HMCN1: variants seen among roughly 807,000 people sequenced by gnomAD.
HMCN1 encodes hemicentin-1.
HMCN1 carries 321 observed loss-of-function variants against 625.9 expected under a neutral mutation model. The ratio of observed to expected loss-of-function variants is 0.51; its 90% CI spans 0.47 to 0.56. The LOEUF is 0.56. Ranked by LOEUF, HMCN1 falls within the 20% of genes least tolerant of loss-of-function variation. The pLI is 0.00. For synonymous variants in HMCN1, 2,425 were observed against 2,417.6 expected, an observed-to-expected ratio of 1.00 and a Z score of -0.09; for missense variants, 6,588 against 6,887.3, an observed-to-expected ratio of 0.96 and a Z score of 1.54.
At chr1:185,885,128 A>G (rs898317362) in intron 4 of HMCN1, among the ~76,000 whole-genome samples, 1 of 151,548 alleles carries the variant, frequency 6.6e-6, no homozygotes. Flanking sequence ...GAGAACTGTG[A>G]AAAGTTGGAG....
rs575212903 is a variant in HMCN1 at position 185,949,540 on chromosome 1, A to G, written c.1829-12978A>G. 7.0e-3 allele frequency among the ~76,000 whole-genome samples: 1,062 copies of G among 152,022 alleles called. 7 individuals are homozygous for G. The highest frequency in any genetic ancestry group is 0.02 in the Middle Eastern group (6 of 294). On this transcript the variant is annotated intron_variant, in intron 11 of 106. Transcript: ENST00000271588. Reference sequence around the variant, plus strand: ...TCCATTCTACTTTTCTTGAAGACGGAGGACCGTAAGGGATATAAAGGTTTC... The same window carrying G: ...TCCATTCTACTTTTCTTGAAGACGGGGGACCGTAAGGGATATAAAGGTTTC...
At chr1:185,811,835 C>T (rs115642274) in intron 1 of HMCN1, among the ~76,000 whole-genome samples, 5 of 152,094 alleles carry the variant, frequency 3.3e-5, no homozygotes, top group African/African-American at 9.6e-5. Context: ...AACCTATGGA[C>T]CTTCTTTCTT....
chr1:186,153,713 G>C, intron 96 of HMCN1, 37 bp from the exon 97 acceptor site: 1 of 1,556,434 alleles, frequency 6.4e-7, no homozygotes. Flanking sequence ...ATTAGTATGA[G>C]CCATATTGAT....
rs752928413 is a variant in HMCN1 at position 186,189,675 on chromosome 1, T to C, written c.16705T>C (p.Phe5569Leu). The C allele has an allele frequency of 1.7e-5, 27 of 1,612,156 alleles. No homozygotes were observed. The highest frequency in any genetic ancestry group is 2.3e-5 in the Non-Finnish European group (27 of 1,178,746). ...TGGAGTGATGCATCCCAGGACAACTTTCCTCATGGTAGATGAGGAACAGAC... is the reference window on the plus strand; with the variant it reads ...TGGAGTGATGCATCCCAGGACAACTCTCCTCATGGTAGATGAGGAACAGAC... ...QDGVMHPRTTFLMVDEEQTVP... is the reference protein window; with the variant it reads ...QDGVMHPRTTLLMVDEEQTVP... Residue 5569 changes from phenylalanine to leucine, a missense_variant, in exon 107 of 107, where the codon TTC becomes CTC. This residue lies in a region of HMCN1 where 1,954 missense variants were observed against 2,013.1 expected (regional missense o/e 0.97). Coordinates refer to ENST00000271588, the MANE Select transcript of HMCN1 (RefSeq NM_031935.3).
rs749147297 is a variant in HMCN1 at position 186,166,288 on chromosome 1, G to A, written c.15424G>A (p.Gly5142Arg). Residue 5142 changes from glycine (G) to arginine (R), a missense_variant, in exon 99 of 107, where the codon GGA becomes AGA. By Grantham distance (125) the Gly-to-Arg change is moderately radical. Transcript: ENST00000271588. Reference sequence around the variant, plus strand: ...TAAAGGCCTCACCATAGCTGCAGATGGAAGAACTTGTCAAGGTATTCACAA... The same window carrying A: ...TAAAGGCCTCACCATAGCTGCAGATAGAAGAACTTGTCAAGGTATTCACAA... ...CPKGLTIAAD[G>R]RTCQDIDECA... 1.9e-6 allele frequency: 3 copies of A among 1,613,976 alleles called. No individual in the cohort carries two copies. The highest frequency in any genetic ancestry group is 2.5e-6 in the Non-Finnish European group (3 of 1,180,000).
chr1:186,109,910 T>A (rs1442422120), intron 71 of HMCN1, among the ~76,000 whole-genome samples: 3 of 152,152 alleles, frequency 2.0e-5, no homozygotes, highest in Non-Finnish European at 2.9e-5. Context: ...TGATCTCCCA[T>A]GTGTGCATTT....
At chr1:185,933,230 T>G (rs1667642580) in intron 10 of HMCN1, among the ~76,000 whole-genome samples, 2 of 152,200 alleles carry the variant, frequency 1.3e-5, no homozygotes, top group South Asian at 4.1e-4. Context: ...CTTTCATCTA[T>G]AAAAACTTTG....
In HMCN1 at chr1:186,095,308, T is replaced by C; in HGVS notation, c.10360T>C (p.Ser3454Pro). 3 of 1,613,750 alleles carry C rather than the reference T, an allele frequency of 1.9e-6. No individual in the cohort carries two copies. The highest frequency in any genetic ancestry group is 2.5e-6 in the Non-Finnish European group (3 of 1,179,818). ...CACAGTTCTCAAAGGTAGTTCCACCTCTATGGCATGCATTACTGATGGAAC... is the reference window on the plus strand; with the variant it reads ...CACAGTTCTCAAAGGTAGTTCCACCCCTATGGCATGCATTACTGATGGAAC... ...EITVLKGSST[S>P]MACITDGTPA... The change falls in exon 68 of 107, where the codon TCT becomes CCT. Residue 3454 changes from serine to proline, a missense_variant. By Grantham distance (74) the Ser-to-Pro change is moderately conservative. Around this residue, in one of 3 missense-constraint regions of HMCN1, gnomAD observed 4,628 missense variants for 4,853.1 expected, o/e 0.95. Coordinates refer to ENST00000271588, the MANE Select transcript of HMCN1 (RefSeq NM_031935.3).
At chr1:185,934,474 T>A (rs982058901) in intron 11 of HMCN1, among the ~76,000 whole-genome samples, 1 of 152,192 alleles carries the variant, frequency 6.6e-6, no homozygotes, top group African/African-American at 2.4e-5. Flanking sequence ...GCAATGTGGT[T>A]AATGGCTACT....
At chr1:185,877,179 C>T (rs955623909) in intron 4 of HMCN1, among the ~76,000 whole-genome samples, 1 of 151,814 alleles carries the variant, frequency 6.6e-6, no homozygotes, top group African/African-American at 2.4e-5. Context: ...TATTTAATAA[C>T]AGTCCTGGAA....
At chr1:186,067,610 GT>G (rs1340545354) in intron 49 of HMCN1, among the ~76,000 whole-genome samples, 1 of 151,820 alleles carries the variant, frequency 6.6e-6, no homozygotes. Context: ...CTACATTGTG[GT>G]TTTTTTATGT....
At chr1:185,840,580 C>T (rs1381481209) in intron 1 of HMCN1, among the ~76,000 whole-genome samples, 2 of 152,168 alleles carry the variant, frequency 1.3e-5, no homozygotes, top group East Asian at 3.8e-4. Flanking sequence ...TCATGGATCT[C>T]ACTATCCTCT....
rs1487325653 is a variant in HMCN1, at chr1:186,182,348, A to C, written c.16414+61A>C. 3.7e-6 allele frequency: 6 copies of C among 1,603,518 alleles called. No homozygotes were observed. The East Asian group carries it at 1.3e-4, about 36-fold the overall frequency. On this transcript the variant is annotated intron_variant, in intron 105 of 106. Transcript: ENST00000271588. ...TGACTAAAAACCAACAGAGAGTGTGAGAAGTTTTTTTTCAATAATCATTCT... is the reference window on the plus strand; with the variant it reads ...TGACTAAAAACCAACAGAGAGTGTGCGAAGTTTTTTTTCAATAATCATTCT...
intron 1 of HMCN1, among the ~76,000 whole-genome samples, chr1:185,807,420 C>A (rs969252157): frequency 1.3e-5 from 2 of 152,192 alleles, no homozygotes; most frequent in African/African-American, 4.8e-5. Context: ...AGCAAACTAG[C>A]ATATTCACAT....
Position 186,151,337 on chromosome 1 carries a change from C to G in HMCN1, c.14746C>G (p.Pro4916Ala). The change falls in exon 94 of 107, where the codon CCT becomes GCT. Residue 4916 changes from proline (P) to alanine (A), a missense_variant. Around this residue, in one of 3 missense-constraint regions of HMCN1, gnomAD observed 1,954 missense variants for 2,013.1 expected, o/e 0.97. Coordinates refer to ENST00000271588, the MANE Select transcript of HMCN1 (RefSeq NM_031935.3). ...RIIRAKITNV[P>A]RSLGSAMRKI... ...AATACGTGCCAAAATTACCAATGTA[C>G]CTCGTAGTCTTGGTAAGTCTTTGCC... 6.2e-7 allele frequency: 1 copy of G among 1,613,228 alleles called. No homozygotes were observed. The highest frequency in any genetic ancestry group is 2.2e-5 in the East Asian group (1 of 44,852).
chr1:186,090,284 A>G (rs1659768184), intron 63 of HMCN1, among the ~76,000 whole-genome samples: 1 of 152,010 alleles, frequency 6.6e-6, no homozygotes, highest in Non-Finnish European at 1.5e-5. Context: ...CAAAATAAAC[A>G]ATAATTAAAT....
chr1:185,931,625 G>C (rs1667555591), intron 10 of HMCN1, among the ~76,000 whole-genome samples: 1 of 152,070 alleles, frequency 6.6e-6, no homozygotes, highest in South Asian at 2.1e-4. Flanking sequence ...GTTCTCTAGG[G>C]AAAAGCACCT....
chr1:185,806,393 A>G (rs1659169833), intron 1 of HMCN1, among the ~76,000 whole-genome samples: 2 of 151,974 alleles, frequency 1.3e-5, no homozygotes, highest in Admixed American at 1.3e-4. Context: ...TTTATCCAGC[A>G]ACAAATGCTG....
chr1:186,043,218 C>T (rs1656325527), intron 40 of HMCN1, among the ~76,000 whole-genome samples: 1 of 152,012 alleles, frequency 6.6e-6, no homozygotes, highest in South Asian at 2.1e-4. Context: ...CACATCCCTT[C>T]CTAAGCAACA....
Sources: gnomAD v4.1 joint callset for allele counts (sites outside exome capture counted in the v4.1 genomes callset) on GRCh38, gnomAD v4.1.1 for gene constraint, gnomAD v4.1.1 regional missense constraint, MANE v1.5 for transcripts, NCBI Gene and HGNC (gene_info 2026-07-23, HGNC 2026-07-21) for gene names.